Variants in NUP153 observed in about 807,000 individuals in gnomAD.
The protein encoded by NUP153 is nucleoporin 153, also known as nuclear pore complex protein Nup153.
NUP153 carries 27 observed loss-of-function variants against 134.6 expected under a neutral mutation model. That is an observed-to-expected ratio of 0.20 (90% CI 0.15 to 0.28). The LOEUF (loss-of-function observed/expected upper bound fraction) is 0.28. Among genes scored for constraint, NUP153 ranks in the 10% least tolerant of loss-of-function variants. The probability of loss-of-function intolerance (pLI) is 1.00; values close to 1 mark genes in which losing one functional copy is unlikely to be tolerated. For synonymous variants in NUP153, 640 were observed against 623.5 expected (o/e 1.03, Z -0.40); for missense variants, 1,821 against 1,731.3 (o/e 1.05, Z -0.92).
At chr6:17,666,248 G>A (rs1422266153) in intron 8 of NUP153, among the ~76,000 whole-genome samples, 4 of 152,132 alleles carry the variant, frequency 2.6e-5, no homozygotes, top group Non-Finnish European at 2.9e-5. Context: ...CAGGCGTGGT[G>A]GCTCACACCT....
At chr6:17,697,700 T>G (rs1769749952) in intron 1 of NUP153, among the ~76,000 whole-genome samples, 1 of 150,662 alleles carries the variant, frequency 6.6e-6, no homozygotes. Flanking sequence ...AAAAAAGGAT[T>G]AATGAAAGGC....
At chr6:17,616,222 G>C (rs564010142) in intron 21 of NUP153, 41 bp from the exon 22 acceptor site, 1 of 1,226,858 alleles carries the variant, frequency 8.2e-7, no homozygotes, top group Admixed American at 2.2e-5. Flanking sequence ...ATGATGCTCT[G>C]AGCAAAATTT....
chr6:17,641,996 CTTTTT>C (rs1765867203), intron 14 of NUP153, among the ~76,000 whole-genome samples: 1 of 152,080 alleles, frequency 6.6e-6, no homozygotes, highest in Admixed American at 6.5e-5. Context: ...CCAAGTTTTT[CTTTTT>C]AAGTGTTTGC....
At chr6:17,691,203 C>A (rs1400657581) in intron 1 of NUP153, among the ~76,000 whole-genome samples, 1 of 152,074 alleles carries the variant, frequency 6.6e-6, no homozygotes, top group Admixed American at 6.6e-5. Flanking sequence ...ATTATTCTTC[C>A]ATGTATTGTG....
At position 17,625,982 on chromosome 6, in the gene NUP153, T is replaced by C. The variant is rs1764927896; in HGVS notation, c.3727A>G (p.Thr1243Ala). 1 of 1,614,176 alleles carries C rather than the reference T, an allele frequency of 6.2e-7. No individual in the cohort carries two copies. The highest frequency in any genetic ancestry group is 8.5e-7 in the Non-Finnish European group (1 of 1,180,034). ...GACTGAGAGGTGCTGGATTCAGCAG[T>C]GTTACCAAAGGCAGAGCTGCTCACA... ...NPVSSSAFGNTAESSTSQSLL... is the reference protein window; with the variant it reads ...NPVSSSAFGNAAESSTSQSLL... The change falls in exon 19 of 22, where the codon ACT (threonine) becomes GCT (alanine). Residue 1243 changes from threonine to alanine, a missense_variant. Thr to Ala is a moderately conservative substitution (Grantham distance 58). Transcript: ENST00000262077. This position sits in a 1 kb window ranked among gnomAD's most constrained non-coding sequence, Gnocchi z 4.7.
At chr6:17,616,799 G>GA in intron 20 of NUP153, 104 bp from the exon 21 acceptor site, 1 of 1,078,322 alleles carries the variant, frequency 9.3e-7, no homozygotes, top group Non-Finnish European at 1.4e-6. Flanking sequence ...GCCCAGGCTG[G>GA]AGTACAGTGG....
At chr6:17,696,127 AAAAC>A (rs780596371) in intron 1 of NUP153, among the ~76,000 whole-genome samples, 14 of 152,210 alleles carry the variant, frequency 9.2e-5, no homozygotes, top group South Asian at 4.2e-4. Context: ...AAACTGTCTC[AAAAC>A]AAACAAACCA....
intron 11 of NUP153, among the ~76,000 whole-genome samples, chr6:17,658,174 C>T (rs1766950392): frequency 6.6e-6 from 1 of 152,266 alleles, no homozygotes; most frequent in Non-Finnish European, 1.5e-5. Flanking sequence ...CTGAGGCAGG[C>T]AGATCATTTG....
chr6:17,671,357 A>G (rs988482082), intron 5 of NUP153, among the ~76,000 whole-genome samples: 2 of 152,166 alleles, frequency 1.3e-5, no homozygotes, highest in African/African-American at 4.8e-5. Flanking sequence ...CCTACTATAC[A>G]TAAGAGTTTG....
chr6:17,637,733 C>T lies in NUP153; in HGVS notation c.1884G>A (p.Gln628=), dbSNP rs773784892. The T allele has an allele frequency of 6.2e-7, 1 of 1,604,754 alleles. No individual in the cohort carries two copies. The highest frequency in any genetic ancestry group is 8.5e-7 in the Non-Finnish European group (1 of 1,179,752). ...ASPKIDSVAA[Q]PTATSPVVYT... is the part of the protein sequence containing the mutation. ...AAACTACTGGGCTTGTTGCGGTGGG[C>T]TGAGCAGCAACAGAATCTATCTTCG... Residue 628 remains glutamine (Q), a synonymous_variant, in exon 16 of 22, where the codon CAG becomes CAA. Transcript: ENST00000262077.
intron 1 of NUP153, among the ~76,000 whole-genome samples, chr6:17,689,436 AAAAT>A (rs1475933658): frequency 6.6e-6 from 1 of 152,104 alleles, no homozygotes; most frequent in Non-Finnish European, 1.5e-5. Context: ...CAATCCAACA[AAAAT>A]AAACTCAAGA....
chr6:17,639,873 T>C, intron 15 of NUP153, 66 bp downstream of exon 15: 1 of 1,465,070 alleles, frequency 6.8e-7, no homozygotes, highest in Non-Finnish European at 9.2e-7. Flanking sequence ...TAAAGTATAA[T>C]ACAAAATGAC....
intron 11 of NUP153, among the ~76,000 whole-genome samples, chr6:17,652,987 C>T (rs974798902): frequency 2.0e-5 from 3 of 152,144 alleles, no homozygotes; most frequent in African/African-American, 7.2e-5. Context: ...TGAGACCACG[C>T]CATTGTACTC....
intron 10 of NUP153, 102 bp from the exon 11 acceptor site, chr6:17,661,881 G>T: frequency 7.8e-7 from 1 of 1,281,874 alleles, no homozygotes; most frequent in South Asian, 1.4e-5. Flanking sequence ...ACAGCTGAAC[G>T]TGATTCTAAA....
intron 9 of NUP153, among the ~76,000 whole-genome samples, chr6:17,664,991 T>G (rs1361049680): frequency 7.6e-6 from 1 of 130,972 alleles, no homozygotes; most frequent in African/African-American, 2.9e-5. Flanking sequence ...AGGCAGAGGT[T>G]GCAGTGAGCT....
In NUP153 at chr6:17,619,419, G is replaced by A. The variant is rs1163721650; in HGVS notation, c.4175-2724C>T. On this transcript the variant is annotated intron_variant, in intron 20 of 21. Coordinates refer to ENST00000262077, the MANE Select transcript of NUP153 (RefSeq NM_005124.4). ...AACGGGTTCCTCTACGAAGCTAAAA[G>A]GAATCTCCAAAAGAATGGTAAAAAG... 2.6e-5 allele frequency: 4 copies of A among 152,252 alleles called. No individual in the cohort carries two copies. The South Asian group carries it at 8.3e-4, about 32-fold the overall frequency. 9.4% of individuals were successfully genotyped at this position (152,252 alleles called of 1,614,324 possible).
chr6:17,663,254 C>CAT lies in NUP153; in HGVS notation c.1216-1185_1216-1184insAT, dbSNP rs762269189. On this transcript the variant is annotated intron_variant, in intron 9 of 21. Coordinates refer to ENST00000262077, the MANE Select transcript of NUP153 (RefSeq NM_005124.4). ...AAATACACACACACACACACACACACACACACATATATATATATATATTTT... is the reference window on the plus strand; with the variant it reads ...AAATACACACACACACACACACACACATACACACATATATATATATATATTTT... Among the ~76,000 whole-genome samples the CAT allele has an allele frequency of 4.5e-3, 629 of 138,260 alleles. 3 individuals are homozygous for CAT. Among genetic ancestry groups the CAT allele is most frequent in the Non-Finnish European group, 7.2e-3 (435 of 60,376 alleles). The allele number at this position is 138,260 out of a possible 152,430, so 90.7% of individuals were successfully genotyped here.
chr6:17,698,292 T>G (rs1769797768), intron 1 of NUP153, among the ~76,000 whole-genome samples: 1 of 152,134 alleles, frequency 6.6e-6, no homozygotes, highest in African/African-American at 2.4e-5. Flanking sequence ...TAAATTCAGA[T>G]TATTGAAACT....
intron 12 of NUP153, 21 bp downstream of exon 12, chr6:17,649,142 A>G (rs764994002): frequency 3.1e-6 from 5 of 1,591,046 alleles, no homozygotes; most frequent in Non-Finnish European, 4.3e-6. Flanking sequence ...TGTCACCTGT[A>G]TTTATATAAT....
Sources: gnomAD v4.1 joint callset for allele counts (sites outside exome capture counted in the v4.1 genomes callset) on GRCh38, gnomAD v4.1.1 for gene constraint, Gnocchi (gnomAD v3.1) non-coding constraint, MANE v1.5 for transcripts, NCBI Gene and HGNC (gene_info 2026-07-23, HGNC 2026-07-21) for gene names.